The following NEXMIF variants were observed in gnomAD, a reference collection of about 807,000 sequenced individuals.
The protein encoded by NEXMIF is XLMR protein related to neurite extension.
A neutral mutation model predicts 62.1 loss-of-function variants in NEXMIF; 8 were observed. That is an observed-to-expected ratio of 0.13 (90% CI 0.08 to 0.23). The LOEUF (loss-of-function observed/expected upper bound fraction) is 0.23. NEXMIF is among the 10% of genes least tolerant of loss of function. The probability of loss-of-function intolerance (pLI) is 1.00; values close to 1 mark genes in which losing one functional copy is unlikely to be tolerated. For missense variants in NEXMIF, 976 were observed against 1,113.3 expected, an observed-to-expected ratio of 0.88 and a Z score of 1.75; for synonymous variants, 404 against 416.6, an observed-to-expected ratio of 0.97 and a Z score of 0.37.
intron 1 of NEXMIF, among the ~76,000 whole-genome samples, chrX:74,877,295 T>C (rs1435724533): frequency 9.0e-6 from 1 of 111,590 alleles, no homozygotes; most frequent in Admixed American, 9.5e-5. Flanking sequence ...AAAATTCTTT[T>C]CTTTAAGAAT....
rs1312081290 is a variant in NEXMIF at position 74,803,907 on chromosome X, AAAGG to A, written c.-47-58214_-47-58211del. Among the ~76,000 whole-genome samples the A allele has an allele frequency of 4.5e-5, 5 of 111,992 alleles. No individual in the cohort carries two copies. In the East Asian group the frequency reaches 1.4e-3, roughly 31 times the overall value. Reference sequence around the variant, plus strand: ...CCAGATTTCTCCTACAAGAAATGCTAAAGGGAGTACTTCAATCAGAAAGAAAAGG... The same window carrying A: ...CCAGATTTCTCCTACAAGAAATGCTAGAGTACTTCAATCAGAAAGAAAAGG... On this transcript the variant is annotated intron_variant, in intron 1 of 3. Coordinates refer to ENST00000055682, the MANE Select transcript of NEXMIF (RefSeq NM_001008537.3).
At chrX:74,810,634 A>C (rs1339688039) in intron 1 of NEXMIF, among the ~76,000 whole-genome samples, 1 of 46,587 alleles carries the variant, frequency 2.1e-5, no homozygotes, top group Non-Finnish European at 7.9e-5. Context: ...CCCTCCCTCT[A>C]CAAAAAAAAA....
rs1382226959 is a variant in NEXMIF at position 74,784,018 on chromosome X, C to A, written c.-47-38321G>T. On this transcript the variant is annotated intron_variant, in intron 1 of 3. Transcript: ENST00000055682. ...AGTCATTTCCGTCATCCTTAGAGGG[C>A]AAATTTTTATAAAATGATTGGGCTA... 2.7e-5 allele frequency among the ~76,000 whole-genome samples: 3 copies of A among 111,439 alleles called. 1 individual carries two copies. Among genetic ancestry groups the A allele is most frequent in the Admixed American group, 1.9e-4 (2 of 10,436 alleles).
At chrX:74,844,295 T>C (rs1374043793) in intron 1 of NEXMIF, among the ~76,000 whole-genome samples, 1 of 111,680 alleles carries the variant, frequency 9.0e-6, no homozygotes, top group Non-Finnish European at 1.9e-5. Flanking sequence ...GCAGGAGTTC[T>C]CTGTATTTCC....
chrX:74,869,155 AG>A (rs1456270737), intron 1 of NEXMIF, among the ~76,000 whole-genome samples: 1 of 112,171 alleles, frequency 8.9e-6, no homozygotes, highest in Non-Finnish European at 1.9e-5. Context: ...CAGGAATGAA[AG>A]GGTGGTTCAA....
intron 1 of NEXMIF, among the ~76,000 whole-genome samples, chrX:74,889,360 A>T (rs1258120196): frequency 8.9e-6 from 1 of 112,018 alleles, no homozygotes; most frequent in Non-Finnish European, 1.9e-5. Flanking sequence ...TGGGGATGGA[A>T]AGGCAAATTA....
At chrX:74,807,273 T>C (rs1455562676) in intron 1 of NEXMIF, among the ~76,000 whole-genome samples, 2 of 111,828 alleles carry the variant, frequency 1.8e-5, no homozygotes, top group Non-Finnish European at 3.8e-5. Context: ...GTTAGATTTA[T>C]ACCTAAGTAT....
At chrX:74,876,907 C>A (rs2147508751) in intron 1 of NEXMIF, among the ~76,000 whole-genome samples, 1 of 111,005 alleles carries the variant, frequency 9.0e-6, no homozygotes, top group South Asian at 3.9e-4. Context: ...GATGGGTTTC[C>A]CGAATACAAC....
chrX:74,746,115 T>C (rs1390901275), intron 1 of NEXMIF, among the ~76,000 whole-genome samples: 1 of 112,347 alleles, frequency 8.9e-6, no homozygotes, highest in African/African-American at 3.2e-5. Context: ...GTTTGCCTCA[T>C]TTCTATTTCA....
At chrX:74,908,527 C>T (rs777939679) in intron 1 of NEXMIF, among the ~76,000 whole-genome samples, 1 of 112,645 alleles carries the variant, frequency 8.9e-6, no homozygotes, top group Non-Finnish European at 1.9e-5. Flanking sequence ...CTAGAAGTAT[C>T]CTGGCCTTAA....
intron 1 of NEXMIF, among the ~76,000 whole-genome samples, chrX:74,872,902 A>C (rs2080608601): frequency 9.1e-6 from 1 of 110,284 alleles, no homozygotes; most frequent in Non-Finnish European, 1.9e-5. Flanking sequence ...TAGCTGCCAT[A>C]ATGCTGTAGT....
At chrX:74,881,492 T>C (rs1236036266) in intron 1 of NEXMIF, among the ~76,000 whole-genome samples, 1 of 109,630 alleles carries the variant, frequency 9.1e-6, no homozygotes, top group Non-Finnish European at 1.9e-5. Context: ...GCTTCTTCAC[T>C]TAAACCAGTG....
intron 1 of NEXMIF, among the ~76,000 whole-genome samples, chrX:74,797,768 G>A (rs1410884695): frequency 4.5e-5 from 5 of 111,792 alleles, no homozygotes; most frequent in African/African-American, 1.6e-4. Context: ...GGGAACAGAG[G>A]CCAAAGCTTT....
chrX:74,814,734 T>G (rs779547218), intron 1 of NEXMIF, among the ~76,000 whole-genome samples: 1 of 112,598 alleles, frequency 8.9e-6, no homozygotes, highest in African/African-American at 3.2e-5. Context: ...ACTTAATATA[T>G]AATTGACTTC....
intron 1 of NEXMIF, among the ~76,000 whole-genome samples, chrX:74,834,918 A>G (rs751515702): frequency 9.0e-6 from 1 of 111,687 alleles, no homozygotes; most frequent in South Asian, 3.8e-4. Flanking sequence ...TCTATCCCCC[A>G]TCTAAATGCA....
In NEXMIF at chrX:74,743,162, C is replaced by T; in HGVS notation, c.1395G>A (p.Arg465=). The stretch of plus-strand genomic sequence containing the variant: ...AGGAGGAGCTGCCAGAATTAGTGTC[C>T]CGAGCCATATAGCGACTACAGTCCT... The part of the protein sequence containing the change: ...EIKDCSRYMA[R]DTNSGSSSSQ... Residue 465 remains arginine, a synonymous_variant, in exon 3 of 4, where the codon CGG becomes CGA. Transcript: ENST00000055682. The T allele has an allele frequency of 8.3e-7, 1 of 1,210,937 alleles. No individual in the cohort carries two copies. The highest frequency in any genetic ancestry group is 1.1e-6 in the Non-Finnish European group (1 of 895,282).
At chrX:74,820,751 AT>A (rs2080392404) in intron 1 of NEXMIF, among the ~76,000 whole-genome samples, 1 of 111,933 alleles carries the variant, frequency 8.9e-6, no homozygotes, top group Non-Finnish European at 1.9e-5. Context: ...ATGCAGGAAC[AT>A]TTCTGTTCCT....
intron 1 of NEXMIF, among the ~76,000 whole-genome samples, chrX:74,825,666 T>C (rs759957840): frequency 1.8e-5 from 2 of 112,193 alleles, no homozygotes; most frequent in East Asian, 5.6e-4. Flanking sequence ...GTGATTCTCC[T>C]GCTTCAGCTT....
At chrX:74,851,069 G>GAA (rs777725819) in intron 1 of NEXMIF, among the ~76,000 whole-genome samples, 1 of 105,965 alleles carries the variant, frequency 9.4e-6, no homozygotes, top group African/African-American at 3.4e-5. Context: ...TTCACTGAAT[G>GAA]AAAAAAAAAT....
Sources: allele counts gnomAD v4.1 joint callset (sites outside exome capture counted in the v4.1 genomes callset), GRCh38; gene constraint gnomAD v4.1.1; transcripts MANE v1.5; gene names NCBI Gene and HGNC (gene_info 2026-07-23, HGNC 2026-07-21).